PYGM: variants seen among roughly 807,000 people sequenced by gnomAD.
PYGM encodes glycogen phosphorylase, muscle associated, also known as glycogen phosphorylase, muscle form.
A neutral mutation model predicts 99.3 loss-of-function variants in PYGM; 81 were observed. The ratio of observed to expected loss-of-function variants is 0.82; its 90% CI spans 0.68 to 0.98. PYGM has a LOEUF of 0.98. Among genes scored for constraint, PYGM ranks in the 50% least tolerant of loss-of-function variants. The pLI is 0.00. For synonymous variants in PYGM, 436 were observed against 451.5 expected (o/e 0.97, Z 0.44); for missense variants, 1,030 against 1,158.1 (o/e 0.89, Z 1.61).
At chr11:64,752,975 C>G (rs1341921628) in intron 12 of PYGM, 98 bp downstream of exon 12, 1 of 1,146,638 alleles carries the variant, frequency 8.7e-7, no homozygotes, top group Non-Finnish European at 1.3e-6. Context: ...CAGCCTTCAG[C>G]TGGGAGCCCT....
Position 64,754,417 on chromosome 11 carries a change from T to G in PYGM, c.1000-72A>C. On this transcript the variant is annotated intron_variant, in intron 8 of 19. Transcript: ENST00000164139. The surrounding 1 kb of genome is among the most constrained non-coding windows in gnomAD (Gnocchi z 5.5). ...GCTATGGTCACTGCCCTATGCCATT[T>G]GGAGGCCCCCAGAGAGCCCAGCACG... 7.9e-7 allele frequency: 1 copy of G among 1,259,362 alleles called. No individual in the cohort carries two copies. Among genetic ancestry groups the G allele is most frequent in the Non-Finnish European group, 1.1e-6 (1 of 897,520 alleles). The allele number at this position is 1,259,362 out of a possible 1,614,324, so 78.0% of individuals were successfully genotyped here.
chr11:64,760,622 G>C (rs754685048), upstream of PYGM, among the ~76,000 whole-genome samples: 19 of 152,234 alleles, frequency 1.2e-4, no homozygotes, highest in Non-Finnish European at 2.4e-4. Flanking sequence ...CTGCAGCACG[G>C]GGCCCTGGGA....
At chr11:64,760,296 G>A, upstream of PYGM, 1 of 243,122 alleles carries the variant, frequency 4.1e-6, no homozygotes, top group Non-Finnish European at 8.2e-6. Context: ...GAACCAGGAT[G>A]GGAGGCCATG....
At position 64,747,278 on chromosome 11, in the gene PYGM, G is replaced by C. The variant is rs1174505595; in HGVS notation, c.2258C>G (p.Pro753Arg). 2 of 1,614,032 alleles carry C rather than the reference G, an allele frequency of 1.2e-6. No homozygotes were observed. The highest frequency in any genetic ancestry group is 1.7e-6 in the Non-Finnish European group (2 of 1,179,986). Reference protein sequence around the residue: ...IEQLSSGFFSPKQPDLFKDIV... With the variant: ...IEQLSSGFFSRKQPDLFKDIV... Reference sequence around the variant, plus strand: ...GTCCTTGAACAGGTCGGGCTGTTTGGGGGAGAAGAAGCCACTGCTCAGCTG... The same window carrying C: ...GTCCTTGAACAGGTCGGGCTGTTTGCGGGAGAAGAAGCCACTGCTCAGCTG... The change falls in exon 18 of 20, where the codon CCC becomes CGC. Residue 753 changes from proline to arginine, a missense_variant. Coordinates refer to ENST00000164139, the MANE Select transcript of PYGM (RefSeq NM_005609.4).
At chr11:64,753,445 CGGGGCT>C (rs2058370294) in intron 11 of PYGM, 68 bp downstream of exon 11, 2 of 1,501,072 alleles carry the variant, frequency 1.3e-6, no homozygotes, top group African/African-American at 2.8e-5. Context: ...CGGTGAAGGG[CGGGGCT>C]TCTGTGTGAC....
chr11:64,753,049 A>C lies in PYGM; in HGVS notation c.1518+24T>G, dbSNP rs780785253. 5 of 1,556,574 alleles carry C rather than the reference A, an allele frequency of 3.2e-6. No individual in the cohort carries two copies. In the African/African-American group the frequency reaches 6.8e-5, roughly 21 times the overall value. On this transcript the variant is annotated intron_variant, in intron 12 of 19. Coordinates refer to ENST00000164139, the MANE Select transcript of PYGM (RefSeq NM_005609.4). ...CCCTGCAGGGACCCATGTTGACTCT[A>C]CTGGCCCTACGGTGGCCTCTCACCT...
intron 5 of PYGM, among the ~76,000 whole-genome samples, chr11:64,756,480 T>G (rs908802613): frequency 1.3e-5 from 2 of 152,242 alleles, no homozygotes; most frequent in Non-Finnish European, 2.9e-5. Flanking sequence ...AGATGGGACC[T>G]CACTCTGTTA....
chr11:64,755,175 G>C lies in PYGM; in HGVS notation c.855+98C>G. ...GCACAAGGCCAGCAATATGCCCTGG[G>C]TGTGACTAGGGCACCAGCAAGTGTC... On this transcript the variant is annotated intron_variant, in intron 7 of 19. Coordinates refer to ENST00000164139, the MANE Select transcript of PYGM (RefSeq NM_005609.4). The surrounding 1 kb of genome is among the most constrained non-coding windows in gnomAD (Gnocchi z 4.1). The C allele has an allele frequency of 7.5e-7, 1 of 1,325,740 alleles. No homozygotes were observed. Among genetic ancestry groups the C allele is most frequent in the Non-Finnish European group, 1.1e-6 (1 of 924,254 alleles). The allele number at this position is 1,325,740 out of a possible 1,614,324, so 82.1% of individuals were successfully genotyped here.
At chr11:64,752,676 C>G (rs1352500562) in intron 12 of PYGM, among the ~76,000 whole-genome samples, 172 bp from the exon 13 acceptor site, 1 of 152,222 alleles carries the variant, frequency 6.6e-6, no homozygotes, top group Non-Finnish European at 1.5e-5. Context: ...ATCCATGCAC[C>G]TTCCTCCCCT....
At position 64,753,113 on chromosome 11, in the gene PYGM, AG is replaced by A. The variant is rs2058367842; in HGVS notation, c.1477del (p.Leu493TrpfsTer46). On this transcript the variant is annotated frameshift_variant, in exon 12 of 20. Transcript: ENST00000164139. LOFTEE classifies it high-confidence loss of function. The part of the protein sequence containing the change: ...KTNGITPRRW[L>X]VLCNPGLAEV... ...TGCCAGCCCGGGGTTACACAGAACC[AG>A]CCAGCGCCGAGGGGTGATGCCGTTG... The A allele has an allele frequency of 9.9e-6, 16 of 1,614,126 alleles. No individual in the cohort carries two copies. The highest frequency in any genetic ancestry group is 1.4e-5 in the Non-Finnish European group (16 of 1,179,988).
In PYGM at chr11:64,749,655, C is replaced by A. The variant is rs1297363769; in HGVS notation, c.2177+721G>T. On this transcript the variant is annotated intron_variant, in intron 17 of 19. Coordinates refer to ENST00000164139, the MANE Select transcript of PYGM (RefSeq NM_005609.4). Reference sequence around the variant, plus strand: ...AGACTCCGTCTCAAAAAAAAAAATACATTAAAATAAAATAAAATAAAATTT... The same window carrying A: ...AGACTCCGTCTCAAAAAAAAAAATAAATTAAAATAAAATAAAATAAAATTT... 4.6e-5 allele frequency among the ~76,000 whole-genome samples: 7 copies of A among 151,674 alleles called. 1 individual carries two copies. Among genetic ancestry groups the A allele is most frequent in the South Asian group, 4.2e-4 (2 of 4,806 alleles).
rs540436223 is a variant in PYGM at position 64,752,499 on chromosome 11, G to A, written c.1524C>T (p.Ile508=). 2.9e-5 allele frequency: 47 copies of A among 1,613,518 alleles called. No individual in the cohort carries two copies. The Admixed American group carries it at 4.3e-4, about 15-fold the overall frequency. ...PGLAEVIAER[I]GEDFISDLDQ... ...CCAGGTCAGAGATGAAGTCCTCCCC[G>A]ATGCGCTATGGGAAGACGGCTCTCA... is the stretch of plus-strand genomic sequence containing the variant. The change falls in exon 13 of 20, where the codon ATC becomes ATT. Residue 508 remains isoleucine, a synonymous_variant. Transcript: ENST00000164139.
In PYGM at chr11:64,752,000, G is replaced by C. The variant is rs116812032; in HGVS notation, c.1692C>G (p.Phe564Leu). The part of the protein sequence containing the change: ...YKVHINPNSL[F>L]DIQVKRIHEY... ...CGTGAATCCGCTTCACCTGGATGTC[G>C]AAGAGTGAGTTGGGGTTGATGTGGA... is the stretch of plus-strand genomic sequence containing the variant. The change falls in exon 14 of 20, where the codon TTC becomes TTG. Residue 564 changes from phenylalanine (F) to leucine (L), a missense_variant. Coordinates refer to ENST00000164139, the MANE Select transcript of PYGM (RefSeq NM_005609.4). The C allele has an allele frequency of 5.6e-6, 9 of 1,614,128 alleles. No homozygotes were observed. Among genetic ancestry groups the C allele is most frequent in the Admixed American group, 3.3e-5 (2 of 60,016 alleles).
Position 64,746,592 on chromosome 11 carries a change from A to G in PYGM, c.*67T>C. On this transcript the variant is annotated 3_prime_UTR_variant, in exon 20 of 20. Coordinates refer to ENST00000164139, the MANE Select transcript of PYGM (RefSeq NM_005609.4). ...ACTCCAGTACCCCACCCTCTGCATG[A>G]GGTGCTGGGGCTGGCCCAAGAGAGT... The G allele has an allele frequency of 6.2e-7, 1 of 1,600,640 alleles. No homozygotes were observed.
intron 10 of PYGM, 43 bp downstream of exon 10, chr11:64,753,836 T>TCC: frequency 6.5e-7 from 1 of 1,545,340 alleles, no homozygotes. Context: ...AGACTGGGTG[T>TCC]CCCCCCTCAC....
In PYGM at chr11:64,754,221, A is replaced by G. The variant is rs1228177963; in HGVS notation, c.1092+32T>C. ...GGAAGGGAACCCCGAGGCAGAGAGCATCAGATGGGGCAGAGGGGCCCTGAA... is the reference window on the plus strand; with the variant it reads ...GGAAGGGAACCCCGAGGCAGAGAGCGTCAGATGGGGCAGAGGGGCCCTGAA... On this transcript the variant is annotated intron_variant, in intron 9 of 19. Coordinates refer to ENST00000164139, the MANE Select transcript of PYGM (RefSeq NM_005609.4). This position sits in a 1 kb window ranked among gnomAD's most constrained non-coding sequence, Gnocchi z 5.5. 1 of 1,592,634 alleles carries G rather than the reference A, an allele frequency of 6.3e-7. No individual in the cohort carries two copies. The highest frequency in any genetic ancestry group is 1.3e-5 in the African/African-American group (1 of 74,372).
chr11:64,757,062 C>T (rs2058398642), intron 5 of PYGM, among the ~76,000 whole-genome samples: 3 of 152,180 alleles, frequency 2.0e-5, no homozygotes, highest in East Asian at 3.9e-4. Context: ...GTAGCTGGGA[C>T]TACAGGCGCA....
intron 5 of PYGM, among the ~76,000 whole-genome samples, 187 bp downstream of exon 5, chr11:64,757,592 C>T (rs900558500): frequency 1.3e-5 from 2 of 152,184 alleles, no homozygotes; most frequent in Admixed American, 6.5e-5. Flanking sequence ...TGCACTTAGG[C>T]TGGCTCCCCT....
At position 64,754,096 on chromosome 11, in the gene PYGM, A is replaced by C. The variant is rs2058378083; in HGVS notation, c.1093-71T>G. 2 of 1,604,384 alleles carry C rather than the reference A, an allele frequency of 1.2e-6. No individual in the cohort carries two copies. Among genetic ancestry groups the C allele is most frequent in the Non-Finnish European group, 1.7e-6 (2 of 1,174,870 alleles). ...GGTCTCCTCACACACTACGCATCCC[A>C]GTGGGCCCCCCCACTGCAGTGCCAG... is the stretch of plus-strand genomic sequence containing the variant. On this transcript the variant is annotated intron_variant, in intron 9 of 19. Transcript: ENST00000164139. This position sits in a 1 kb window ranked among gnomAD's most constrained non-coding sequence, Gnocchi z 5.5.
Sources: gnomAD v4.1 joint callset for allele counts (sites outside exome capture counted in the v4.1 genomes callset) on GRCh38, gnomAD v4.1.1 for gene constraint, Gnocchi (gnomAD v3.1) non-coding constraint, MANE v1.5 for transcripts, NCBI Gene and HGNC (gene_info 2026-07-23, HGNC 2026-07-21) for gene names.